Variants in CNTN1 observed in about 807,000 individuals in gnomAD.
The protein encoded by CNTN1 is contactin-1.
CNTN1 carries 38 observed loss-of-function variants against 126.4 expected under a neutral mutation model. The ratio of observed to expected loss-of-function variants is 0.30; its 90% CI spans 0.23 to 0.39. CNTN1 has a LOEUF of 0.39. Ranked by LOEUF, CNTN1 falls within the 10% of genes least tolerant of loss-of-function variation. CNTN1 has a pLI of 1.00. For missense variants in CNTN1, 1,009 were observed against 1,248.4 expected (o/e 0.81, Z 2.89); for synonymous variants, 413 against 422.6 (o/e 0.98, Z 0.28).
intron 17 of CNTN1, 144 bp downstream of exon 17, chr12:40,993,413 A>G (rs973899092): frequency 3.0e-6 from 2 of 675,166 alleles, no homozygotes; most frequent in Non-Finnish European, 5.0e-6. Context: ...CTATCAAGAC[A>G]GTCAAAAATC....
chr12:40,867,523 G>T (rs1395414060), intron 1 of CNTN1, among the ~76,000 whole-genome samples: 1 of 152,168 alleles, frequency 6.6e-6, no homozygotes, highest in Admixed American at 6.5e-5. Flanking sequence ...CAATAAGTAT[G>T]TGAGGTAACG....
chr12:41,032,851 C>T (rs1949176311), intron 23 of CNTN1, among the ~76,000 whole-genome samples: 1 of 152,124 alleles, frequency 6.6e-6, no homozygotes, highest in South Asian at 2.1e-4. Context: ...CTCTTGTTTG[C>T]CTCAGTTGAC....
intron 6 of CNTN1, among the ~76,000 whole-genome samples, chr12:40,929,242 A>T (rs1216574299): frequency 6.6e-6 from 1 of 151,828 alleles, no homozygotes; most frequent in East Asian, 1.9e-4. Flanking sequence ...ATTTAATTAA[A>T]CCAGTACCAT....
At chr12:41,008,780 T>G (rs1948571642) in intron 17 of CNTN1, among the ~76,000 whole-genome samples, 1 of 152,208 alleles carries the variant, frequency 6.6e-6, no homozygotes, top group Non-Finnish European at 1.5e-5. Flanking sequence ...CAACTAGCTA[T>G]TTTCTTTAGG....
chr12:40,699,792 C>T (rs1242924366), intron 1 of CNTN1, among the ~76,000 whole-genome samples: 2 of 151,828 alleles, frequency 1.3e-5, no homozygotes, highest in African/African-American at 4.8e-5. Flanking sequence ...AACTAATTTG[C>T]CCAAGGTTAC....
At chr12:40,899,782 TAAC>T (rs1019378401) in intron 1 of CNTN1, among the ~76,000 whole-genome samples, 3 of 152,176 alleles carry the variant, frequency 2.0e-5, no homozygotes, top group Non-Finnish European at 4.4e-5. Context: ...AAATCGATCT[TAAC>T]AATCACGTGC....
chr12:40,793,933 A>C (rs1940314186), intron 1 of CNTN1, among the ~76,000 whole-genome samples: 1 of 147,490 alleles, frequency 6.8e-6, no homozygotes, highest in East Asian at 2.0e-4. Flanking sequence ...AACCTAATAC[A>C]TTAGAAATGT....
rs188321681 is a variant in CNTN1, at chr12:40,853,641, A to C, written c.-76-54716A>C. Among the ~76,000 whole-genome samples, 100 of 152,236 alleles carry C rather than the reference A, an allele frequency of 6.6e-4. No homozygotes were observed. In the East Asian group the frequency reaches 0.012, roughly 19 times the overall value. On this transcript the variant is annotated intron_variant, in intron 1 of 23. Transcript: ENST00000551295. ...ATACAAGATAAACAAGAGATATACA[A>C]GATAAACAAGAGATATACAATCCTT...
At chr12:41,013,852 A>G (rs1173885122) in intron 17 of CNTN1, among the ~76,000 whole-genome samples, 2 of 152,212 alleles carry the variant, frequency 1.3e-5, no homozygotes, top group Non-Finnish European at 2.9e-5. Flanking sequence ...TGGTTTCTTA[A>G]CATTTATTTG....
chr12:40,737,149 T>G (rs983311896), intron 1 of CNTN1, among the ~76,000 whole-genome samples: 8 of 151,700 alleles, frequency 5.3e-5, no homozygotes, highest in Non-Finnish European at 1.0e-4. Flanking sequence ...TATAAATTTT[T>G]TATCTTCAAA....
intron 1 of CNTN1, among the ~76,000 whole-genome samples, chr12:40,884,039 G>A (rs186564397): frequency 1.3e-5 from 2 of 151,434 alleles, no homozygotes; most frequent in Non-Finnish European, 3.0e-5. Flanking sequence ...AAATAATCAT[G>A]CTTTGGTGTT....
intron 1 of CNTN1, among the ~76,000 whole-genome samples, chr12:40,818,328 T>A (rs1460087686): frequency 6.6e-6 from 1 of 152,168 alleles, no homozygotes; most frequent in Non-Finnish European, 1.5e-5. Flanking sequence ...TCAGTTTTTT[T>A]ATGAAGTTCC....
chr12:40,960,284 CTCAG>C (rs1442590041), intron 15 of CNTN1, among the ~76,000 whole-genome samples: 1 of 151,800 alleles, frequency 6.6e-6, no homozygotes, highest in East Asian at 1.9e-4. Flanking sequence ...CTCTTTCTGT[CTCAG>C]TGTCAGTTAA....
At chr12:40,855,387 T>A (rs1480488145) in intron 1 of CNTN1, among the ~76,000 whole-genome samples, 2 of 152,120 alleles carry the variant, frequency 1.3e-5, no homozygotes, top group Admixed American at 6.6e-5. Flanking sequence ...TGCTCGTCAT[T>A]ATCTATTTAA....
At chr12:40,861,537 G>A (rs1351539639) in intron 1 of CNTN1, among the ~76,000 whole-genome samples, 1 of 151,788 alleles carries the variant, frequency 6.6e-6, no homozygotes, top group Non-Finnish European at 1.5e-5. Context: ...CTTAGCCAGA[G>A]ATTATTTAGG....
At chr12:41,037,455 T>A (rs73126923) in intron 23 of CNTN1, among the ~76,000 whole-genome samples, 2 of 152,102 alleles carry the variant, frequency 1.3e-5, no homozygotes, top group Non-Finnish European at 2.9e-5. Flanking sequence ...AATATGCTTA[T>A]GCTGTGGAGG....
chr12:40,867,688 T>A (rs1197788574), intron 1 of CNTN1, among the ~76,000 whole-genome samples: 2 of 152,062 alleles, frequency 1.3e-5, no homozygotes, highest in South Asian at 2.1e-4. Flanking sequence ...TTTTTGAAGT[T>A]TTTCTGCTCT....
intron 1 of CNTN1, among the ~76,000 whole-genome samples, chr12:40,717,294 A>G (rs61229393): frequency 0.015 from 2,337 of 152,316 alleles, 23 homozygotes; most frequent in African/African-American, 0.027. Context: ...CTAAATGTAT[A>G]TATAAATAAG....
rs11178822 is a variant in CNTN1 at position 40,864,275 on chromosome 12, C to T, written c.-76-44082C>T. Reference sequence around the variant, plus strand: ...CCTCAGGTGATCTACCTGCCTTGGCCTCTCAAAGTGCTGGGATTACAGGCG... The same window carrying T: ...CCTCAGGTGATCTACCTGCCTTGGCTTCTCAAAGTGCTGGGATTACAGGCG... On this transcript the variant is annotated intron_variant, in intron 1 of 23. Coordinates refer to ENST00000551295, the MANE Select transcript of CNTN1 (RefSeq NM_001843.4). Among the ~76,000 whole-genome samples the T allele has an allele frequency of 4.1e-3, 629 of 151,978 alleles. 5 individuals carry two copies. Among genetic ancestry groups the T allele is most frequent in the African/African-American group, 0.014 (592 of 41,450 alleles).
Sources: gnomAD v4.1 joint callset for allele counts (sites outside exome capture counted in the v4.1 genomes callset) on GRCh38, gnomAD v4.1.1 for gene constraint, MANE v1.5 for transcripts, NCBI Gene and HGNC (gene_info 2026-07-23, HGNC 2026-07-21) for gene names.